Variants in EPB41L4B observed in about 807,000 individuals in gnomAD.
The protein encoded by EPB41L4B is erythrocyte membrane protein band 4.1 like 4B.
Under a neutral mutation model 112.5 loss-of-function variants are expected in EPB41L4B, and 30 were observed. The observed-to-expected ratio is 0.27, with a 90% CI of 0.20 to 0.36. EPB41L4B has a LOEUF of 0.36. EPB41L4B is among the 10% of genes least tolerant of loss of function. EPB41L4B has a pLI of 1.00. For missense variants in EPB41L4B, 1,024 were observed against 1,133.3 expected, an observed-to-expected ratio of 0.90 and a Z score of 1.38; for synonymous variants, 408 against 439.7, an observed-to-expected ratio of 0.93 and a Z score of 0.90.
chr9:109,278,407 G>A (rs1027725094), intron 2 of EPB41L4B, among the ~76,000 whole-genome samples: 3 of 152,244 alleles, frequency 2.0e-5, no homozygotes, highest in East Asian at 1.9e-4. Context: ...ATGCATTCCC[G>A]TCCAGATTCC....
intron 15 of EPB41L4B, among the ~76,000 whole-genome samples, chr9:109,232,251 C>T (rs540459566): frequency 3.3e-5 from 5 of 152,000 alleles, no homozygotes; most frequent in Non-Finnish European, 7.4e-5. Flanking sequence ...CTTGGCCTCC[C>T]AAAGTTTTGG....
chr9:109,194,345 A>G lies in EPB41L4B; in HGVS notation c.2098T>C (p.Ser700Pro). 1 of 1,614,126 alleles carries G rather than the reference A, an allele frequency of 6.2e-7. No homozygotes were observed. Among genetic ancestry groups the G allele is most frequent in the Non-Finnish European group, 8.5e-7 (1 of 1,180,028 alleles). ...DLAEAVGVTT[S>P]TTTNTTTAAT... The stretch of plus-strand genomic sequence containing the variant: ...GCCGTTGTGGTGTTTGTGGTTGTAG[A>G]TGTGGTCACTCCCACTGCCTCGGCC... The change falls in exon 21 of 26, where the codon TCT (serine) becomes CCT (proline). Residue 700 changes from serine to proline, a missense_variant. By Grantham distance (74) the Ser-to-Pro change is moderately conservative. Coordinates refer to ENST00000374566, the MANE Select transcript of EPB41L4B (RefSeq NM_019114.5).
At chr9:109,229,284 A>G (rs1048096250) in intron 15 of EPB41L4B, among the ~76,000 whole-genome samples, 2 of 152,246 alleles carry the variant, frequency 1.3e-5, no homozygotes, top group Admixed American at 6.5e-5. Flanking sequence ...CCTCCTAAGT[A>G]ACCAAATCAT....
At chr9:109,254,060 C>CCAGCAT in intron 11 of EPB41L4B, among the ~76,000 whole-genome samples, 3 of 152,216 alleles carry the variant, frequency 2.0e-5, no homozygotes, top group Middle Eastern at 6.8e-3. Flanking sequence ...GTCTGATGTA[C>CCAGCAT]TCCTCAACTG....
intron 13 of EPB41L4B, 62 bp from the exon 14 acceptor site, chr9:109,247,851 A>G: frequency 1.6e-6 from 2 of 1,250,346 alleles, no homozygotes; most frequent in Non-Finnish European, 2.2e-6. Context: ...GAGTGGCATT[A>G]TTAATGATTT....
intron 18 of EPB41L4B, among the ~76,000 whole-genome samples, chr9:109,205,340 A>G (rs1419691210): frequency 6.6e-6 from 1 of 151,984 alleles, no homozygotes; most frequent in Non-Finnish European, 1.5e-5. Context: ...TCTTCCCTAT[A>G]CTTTACAAAA....
intron 2 of EPB41L4B, among the ~76,000 whole-genome samples, chr9:109,279,285 G>T (rs116689946): frequency 1.1e-4 from 17 of 150,918 alleles, no homozygotes; most frequent in African/African-American, 4.1e-4. Context: ...AGGATCGATT[G>T]AGCTCACTGC....
intron 1 of EPB41L4B, chr9:109,300,594 T>C (rs558530636): frequency 6.6e-6 from 1 of 152,242 alleles, no homozygotes; most frequent in Non-Finnish European, 1.5e-5. Flanking sequence ...GAGAACAGCC[T>C]GGCCAACGTG....
At chr9:109,199,959 C>T (rs1448572816) in intron 20 of EPB41L4B, among the ~76,000 whole-genome samples, 2 of 152,156 alleles carry the variant, frequency 1.3e-5, no homozygotes, top group Non-Finnish European at 2.9e-5. Context: ...CATGCCCCGA[C>T]CCCCACTCCA....
At chr9:109,240,557 A>C (rs1834317988) in intron 15 of EPB41L4B, 1 of 985,300 alleles carries the variant, frequency 1.0e-6, no homozygotes, top group African/African-American at 1.7e-5. Context: ...TTAAGAGAAA[A>C]AAATGTTTGA....
At chr9:109,224,355 C>A (rs903612509) in intron 15 of EPB41L4B, among the ~76,000 whole-genome samples, 2 of 152,050 alleles carry the variant, frequency 1.3e-5, no homozygotes, top group African/African-American at 4.8e-5. Flanking sequence ...CATTATTCAG[C>A]CACAAAAGGG....
At chr9:109,314,299 G>A (rs746735684) in intron 1 of EPB41L4B, among the ~76,000 whole-genome samples, 19 of 152,200 alleles carry the variant, frequency 1.2e-4, no homozygotes, top group Non-Finnish European at 1.8e-4. Context: ...AAGTCCCCAC[G>A]CAAGAATTTA....
intron 15 of EPB41L4B, among the ~76,000 whole-genome samples, chr9:109,232,573 A>G (rs1833990591): frequency 6.6e-6 from 1 of 152,200 alleles, no homozygotes; most frequent in Non-Finnish European, 1.5e-5. Context: ...CTCAGGCATG[A>G]GCTGGGAAGT....
chr9:109,218,033 C>T (rs1833439124), intron 15 of EPB41L4B, among the ~76,000 whole-genome samples: 1 of 151,962 alleles, frequency 6.6e-6, no homozygotes, highest in African/African-American at 2.4e-5. Flanking sequence ...GTCCATCCTC[C>T]ACAGAGTAAT....
intron 2 of EPB41L4B, among the ~76,000 whole-genome samples, chr9:109,270,859 G>A (rs1243462044): frequency 1.3e-5 from 2 of 152,160 alleles, no homozygotes; most frequent in Non-Finnish European, 2.9e-5. Context: ...ACCATCACTT[G>A]AGGAACTTCG....
At chr9:109,211,861 G>A (rs1833190137) in intron 17 of EPB41L4B, among the ~76,000 whole-genome samples, 1 of 149,356 alleles carries the variant, frequency 6.7e-6, no homozygotes, top group South Asian at 2.2e-4. Flanking sequence ...GATTACAGGT[G>A]CCCGCCACCA....
At chr9:109,228,401 T>C (rs1048685322) in intron 15 of EPB41L4B, among the ~76,000 whole-genome samples, 2 of 152,224 alleles carry the variant, frequency 1.3e-5, no homozygotes, top group Non-Finnish European at 2.9e-5. Context: ...TCCATCTACT[T>C]ATCTAGCATT....
At chr9:109,257,492 T>C (rs1239967212) in intron 7 of EPB41L4B, among the ~76,000 whole-genome samples, 1 of 152,172 alleles carries the variant, frequency 6.6e-6, no homozygotes, top group Non-Finnish European at 1.5e-5. Flanking sequence ...TATGTTCCTA[T>C]ACAACAGGGT....
At chr9:109,190,196 A>G in intron 22 of EPB41L4B, among the ~76,000 whole-genome samples, 1 of 152,216 alleles carries the variant, frequency 6.6e-6, no homozygotes, top group Non-Finnish European at 1.5e-5. Flanking sequence ...CCTAGGGACC[A>G]GGATAGTGGT....
Sources: allele counts gnomAD v4.1 joint callset (sites outside exome capture counted in the v4.1 genomes callset), GRCh38; gene constraint gnomAD v4.1.1; transcripts MANE v1.5; gene names NCBI Gene and HGNC (gene_info 2026-07-23, HGNC 2026-07-21).